The following GABPB1 variants were observed in gnomAD, a reference collection of about 807,000 sequenced individuals.
The protein encoded by GABPB1 is GA binding protein transcription factor subunit beta 1.
A neutral mutation model predicts 45.9 loss-of-function variants in GABPB1; 15 were observed. The observed-to-expected ratio is 0.33, with a 90% confidence interval of 0.22 to 0.50. The LOEUF (loss-of-function observed/expected upper bound fraction) is 0.50, where lower values mean the gene tolerates loss of function less well. Among genes scored for constraint, GABPB1 ranks in the 20% least tolerant of loss-of-function variants. The probability of loss-of-function intolerance (pLI) is 0.98; values close to 1 mark genes in which losing one functional copy is unlikely to be tolerated. For missense variants in GABPB1, 252 were observed against 457.5 expected (o/e 0.55, Z 4.10); for synonymous variants, 143 against 154.4 (o/e 0.93, Z 0.55).
intron 1 of GABPB1, among the ~76,000 whole-genome samples, chr15:50,314,166 G>A (rs2047226172): frequency 6.6e-6 from 1 of 150,684 alleles, no homozygotes; most frequent in Non-Finnish European, 1.5e-5. Flanking sequence ...ACAGCCATAC[G>A]GTAGATTTAT....
intron 6 of GABPB1, among the ~76,000 whole-genome samples, chr15:50,291,484 ATTT>A (rs537438110): frequency 7.1e-6 from 1 of 140,076 alleles, no homozygotes; most frequent in Non-Finnish European, 1.6e-5. Flanking sequence ...ACGCCTGGTA[ATTT>A]TTTTTTTTTT....
Position 50,349,521 on chromosome 15 carries a change from G to A in GABPB1, c.-1+5464C>T, listed in dbSNP as rs963784327. The A allele has an allele frequency of 1.3e-5, 2 of 152,166 alleles. 1 individual carries two copies. Among genetic ancestry groups the A allele is most frequent in the Non-Finnish European group, 2.9e-5 (2 of 68,028 alleles). The allele number at this position is 152,166 out of a possible 1,614,324, so 9.4% of individuals were successfully genotyped here. A position where few individuals can be genotyped will look rare whatever the true frequency, so the allele number is the denominator to read the frequency against. On this transcript the variant is annotated intron_variant, in intron 1 of 8. Transcript: ENST00000380877. ...AACTGCCTAAAATCACACAGCTAGA[G>A]TATGACTAACTGGGATGACACTGGG...
intron 1 of GABPB1, chr15:50,314,513 T>C (rs2047247795): frequency 6.6e-6 from 1 of 152,286 alleles, no homozygotes; most frequent in African/African-American, 2.4e-5. Flanking sequence ...AGATGGATTC[T>C]TGGAAATCAG....
chr15:50,307,946 T>C (rs1005625783), intron 2 of GABPB1, among the ~76,000 whole-genome samples: 1 of 152,206 alleles, frequency 6.6e-6, no homozygotes, highest in African/African-American at 2.4e-5. Context: ...TGATCCTTCA[T>C]GATTCCTAAC....
At chr15:50,316,152 C>T (rs1039416896) in intron 1 of GABPB1, among the ~76,000 whole-genome samples, 6 of 152,188 alleles carry the variant, frequency 3.9e-5, no homozygotes, top group African/African-American at 1.2e-4. Flanking sequence ...TCTGCTGTGG[C>T]AAATAAGTTC....
chr15:50,311,734 G>T (rs573924501), intron 1 of GABPB1, among the ~76,000 whole-genome samples: 36 of 152,308 alleles, frequency 2.4e-4, no homozygotes, highest in African/African-American at 8.7e-4. Flanking sequence ...GTGTGAGAAG[G>T]AAGTTGGCAA....
intron 1 of GABPB1, among the ~76,000 whole-genome samples, chr15:50,312,914 C>A (rs1056591530): frequency 5.9e-5 from 9 of 151,928 alleles, no homozygotes; most frequent in African/African-American, 2.2e-4. Flanking sequence ...GGATATGAGT[C>A]CTTTGTCAAA....
intron 1 of GABPB1, among the ~76,000 whole-genome samples, chr15:50,325,075 C>T (rs1192895607): frequency 6.6e-6 from 1 of 152,048 alleles, no homozygotes; most frequent in Non-Finnish European, 1.5e-5. Context: ...TCCTTTCTGA[C>T]TCTAAATGTC....
chr15:50,290,943 TC>T (rs1420853086), intron 6 of GABPB1, among the ~76,000 whole-genome samples: 1 of 152,124 alleles, frequency 6.6e-6, no homozygotes, highest in Non-Finnish European at 1.5e-5. Flanking sequence ...CAACTACTGA[TC>T]CCAAAAGACA....
intron 1 of GABPB1, among the ~76,000 whole-genome samples, chr15:50,317,708 C>G (rs62022571): frequency 0.49 from 74,688 of 151,692 alleles, 19,479 homozygotes; most frequent in Middle Eastern, 0.65. Context: ...AGGAGATTGA[C>G]ACCATCCTGG....
intron 1 of GABPB1, chr15:50,353,883 T>A (rs769341756): frequency 6.5e-6 from 1 of 153,374 alleles, no homozygotes; most frequent in Non-Finnish European, 1.5e-5. Context: ...CTTGCCTGAA[T>A]TGAGAGAGCA....
chr15:50,330,378 A>T (rs943705816), intron 1 of GABPB1, among the ~76,000 whole-genome samples: 7 of 150,620 alleles, frequency 4.6e-5, no homozygotes, highest in South Asian at 2.1e-4. Flanking sequence ...ACTTTTAATT[A>T]AAAAAAAACT....
intron 5 of GABPB1, 59 bp downstream of exon 5, chr15:50,301,198 C>G: frequency 6.2e-7 from 1 of 1,600,822 alleles, no homozygotes; most frequent in Non-Finnish European, 8.5e-7. Context: ...ATCCCAAAGC[C>G]TATCCTATAT....
intron 1 of GABPB1, among the ~76,000 whole-genome samples, chr15:50,324,203 CAA>C (rs10714565): frequency 2.6e-4 from 38 of 146,596 alleles, no homozygotes; most frequent in Non-Finnish European, 3.6e-4. Flanking sequence ...GACCTCATCT[CAA>C]AAAAAAAAAA....
chr15:50,320,531 A>G (rs2047528084), intron 1 of GABPB1, among the ~76,000 whole-genome samples: 1 of 152,200 alleles, frequency 6.6e-6, no homozygotes, highest in Non-Finnish European at 1.5e-5. Context: ...TAGTGGCTGC[A>G]CAGTACTATG....
chr15:50,315,162 C>T lies in GABPB1; in HGVS notation c.1-5364G>A, dbSNP rs548435406. On this transcript the variant is annotated intron_variant, in intron 1 of 8. Transcript: ENST00000380877. ...TTTCTTTTCTTTTGAGATAGAGTCT[C>T]TCTCTGTAGCCCAGGCTGGAGTACA... 3.3e-5 allele frequency among the ~76,000 whole-genome samples: 5 copies of T among 152,278 alleles called. No homozygotes were observed. The East Asian group carries it at 7.7e-4, about 23-fold the overall frequency.
intron 1 of GABPB1, among the ~76,000 whole-genome samples, chr15:50,335,211 T>C (rs1392329438): frequency 6.6e-6 from 1 of 152,224 alleles, no homozygotes; most frequent in Non-Finnish European, 1.5e-5. Flanking sequence ...ACAACTTGTC[T>C]TGAAATTCCT....
rs1030097793 is a variant in GABPB1 at position 50,276,638 on chromosome 15, A to G, written c.*1994T>C. On this transcript the variant is annotated 3_prime_UTR_variant, in exon 9 of 9. Coordinates refer to ENST00000380877, the MANE Select transcript of GABPB1 (RefSeq NM_016654.5). ...TGGAAGTCAAAGACGACATTAAGTT[A>G]GCTTTCACAAACTTGTTCCCAACAC... 6.6e-6 allele frequency: 1 copy of G among 152,262 alleles called. No individual in the cohort carries two copies. The highest frequency in any genetic ancestry group is 2.4e-5 in the African/African-American group (1 of 41,468). 9.4% of individuals were successfully genotyped at this position (152,262 alleles called of 1,614,324 possible).
chr15:50,290,890 A>G (rs530489819), intron 6 of GABPB1, among the ~76,000 whole-genome samples: 1 of 152,356 alleles, frequency 6.6e-6, no homozygotes, highest in South Asian at 2.1e-4. Context: ...AGAAATCACA[A>G]GTTAATACTG....
Sources: gnomAD v4.1 joint callset for allele counts (sites outside exome capture counted in the v4.1 genomes callset) on GRCh38, gnomAD v4.1.1 for gene constraint, MANE v1.5 for transcripts, NCBI Gene and HGNC (gene_info 2026-07-23, HGNC 2026-07-21) for gene names.